The following DAB1 variants were observed in gnomAD, a reference collection of about 807,000 sequenced individuals.
The protein encoded by DAB1 is disabled homolog 1.
A neutral mutation model predicts 64.6 loss-of-function variants in DAB1; 15 were observed. The ratio of observed to expected loss-of-function variants is 0.23; its 90% CI spans 0.16 to 0.36. The LOEUF is 0.36. Among genes scored for constraint, DAB1 ranks in the 10% least tolerant of loss-of-function variants. The pLI, the probability that DAB1 is intolerant of heterozygous loss-of-function variation, is 1.00. For synonymous variants in DAB1, 235 were observed against 251.9 expected (o/e 0.93, Z 0.64); for missense variants, 596 against 706.7 (o/e 0.84, Z 1.78).
chr1:58,283,838 C>T (rs570508342), intron 4 of DAB1, among the ~76,000 whole-genome samples: 3 of 152,140 alleles, frequency 2.0e-5, no homozygotes, highest in Admixed American at 6.5e-5. Context: ...ACTTTGTCCT[C>T]GAAGGCAAAG....
intron 2 of DAB1, among the ~76,000 whole-genome samples, chr1:57,246,534 C>A (rs111800542): frequency 2.0e-5 from 3 of 152,304 alleles, no homozygotes; most frequent in African/African-American, 7.2e-5. Context: ...TCATGAAGAA[C>A]CTAGTGCAGA....
At chr1:58,018,620 C>G (rs1646776006) in intron 5 of DAB1, among the ~76,000 whole-genome samples, 1 of 152,180 alleles carries the variant, frequency 6.6e-6, no homozygotes, top group Admixed American at 6.5e-5. Context: ...TGGGGACAAG[C>G]TAAACTGAAA....
chr1:57,359,802 C>T (rs929089044), intron 1 of DAB1, among the ~76,000 whole-genome samples: 7 of 151,964 alleles, frequency 4.6e-5, no homozygotes. Flanking sequence ...GATTGACCTG[C>T]AGGACATCAT....
intron 4 of DAB1, among the ~76,000 whole-genome samples, chr1:57,104,371 T>C (rs1404138302): frequency 6.6e-6 from 1 of 152,088 alleles, no homozygotes; most frequent in Non-Finnish European, 1.5e-5. Context: ...TCACCACAGA[T>C]AGTTTAAAAA....
At chr1:57,468,446 A>T (rs1687028299) in intron 7 of DAB1, among the ~76,000 whole-genome samples, 1 of 152,198 alleles carries the variant, frequency 6.6e-6, no homozygotes, top group Admixed American at 6.5e-5. Flanking sequence ...TTCAACAGAT[A>T]TGGATTAAGC....
At chr1:57,901,190 C>T (rs1644468294) in intron 5 of DAB1, among the ~76,000 whole-genome samples, 1 of 152,126 alleles carries the variant, frequency 6.6e-6, no homozygotes, top group African/African-American at 2.4e-5. Flanking sequence ...AATGACCTTC[C>T]TTCTTGCTTT....
At chr1:57,709,197 C>A (rs1570757467) in intron 6 of DAB1, among the ~76,000 whole-genome samples, 1 of 152,042 alleles carries the variant, frequency 6.6e-6, no homozygotes, top group East Asian at 1.9e-4. Context: ...TTCCTTATTT[C>A]TCTTTGTGAA....
chr1:58,100,506 C>T (rs1036849400), intron 5 of DAB1, among the ~76,000 whole-genome samples: 3 of 152,132 alleles, frequency 2.0e-5, no homozygotes, highest in African/African-American at 4.8e-5. Flanking sequence ...GACTATTGTG[C>T]ATAATGCTTC....
intron 5 of DAB1, among the ~76,000 whole-genome samples, chr1:57,933,408 AG>A (rs768314762): frequency 1.4e-4 from 21 of 149,616 alleles, no homozygotes; most frequent in Non-Finnish European, 2.5e-4. Context: ...ACATGCCAGT[AG>A]AAAACCAGAA....
chr1:57,124,696 T>G (rs1000021187), intron 4 of DAB1, among the ~76,000 whole-genome samples: 5 of 152,170 alleles, frequency 3.3e-5, no homozygotes, highest in African/African-American at 1.2e-4. Context: ...TCAAATCTAG[T>G]CTGGCAGGTA....
chr1:57,482,667 C>G (rs1039349756), intron 7 of DAB1, among the ~76,000 whole-genome samples: 1 of 152,060 alleles, frequency 6.6e-6, no homozygotes, highest in African/African-American at 2.4e-5. Context: ...ATTGTATTCC[C>G]TCCTATAAAT....
intron 1 of DAB1, among the ~76,000 whole-genome samples, chr1:57,860,181 GA>G (rs924858666): frequency 4.5e-4 from 69 of 152,004 alleles, no homozygotes; most frequent in Non-Finnish European, 3.2e-4. Context: ...GTAACACATA[GA>G]AAAAAAATTG....
chr1:57,857,060 T>G (rs1396036450), intron 1 of DAB1, among the ~76,000 whole-genome samples: 1 of 152,220 alleles, frequency 6.6e-6, no homozygotes, highest in Non-Finnish European at 1.5e-5. Context: ...ATTGTATCAC[T>G]AGTGGTGTCT....
At chr1:58,025,683 ATATG>A (rs1200114521) in intron 5 of DAB1, among the ~76,000 whole-genome samples, 8 of 139,140 alleles carry the variant, frequency 5.7e-5, no homozygotes, top group African/African-American at 2.2e-4. Flanking sequence ...ATATATATAT[ATATG>A]GCCTTTAATC....
chr1:57,522,917 C>A (rs942854169), intron 7 of DAB1, among the ~76,000 whole-genome samples: 1 of 152,178 alleles, frequency 6.6e-6, no homozygotes, highest in African/African-American at 2.4e-5. Context: ...CCAAGTTCTT[C>A]GGCTTTTGAA....
At chr1:58,013,957 T>C (rs1330053738) in intron 5 of DAB1, among the ~76,000 whole-genome samples, 1 of 151,580 alleles carries the variant, frequency 6.6e-6, no homozygotes, top group Non-Finnish European at 1.5e-5. Context: ...CCACTGGTAA[T>C]AACACTTTTA....
chr1:58,538,651 G>T, intron 1 of DAB1: 1 of 491,558 alleles, frequency 2.0e-6, no homozygotes, highest in Non-Finnish European at 3.6e-6. Context: ...GAGCTAAATG[G>T]GGGGAGACAG....
intron 7 of DAB1, among the ~76,000 whole-genome samples, chr1:57,448,549 A>C (rs550453029): frequency 5.8e-4 from 89 of 152,304 alleles, no homozygotes; most frequent in Non-Finnish European, 1.2e-4. Context: ...TAATCACAAG[A>C]TTTGTCACCT....
At chr1:57,422,090 G>A (rs1001062353) in intron 1 of DAB1, among the ~76,000 whole-genome samples, 6 of 152,128 alleles carry the variant, frequency 3.9e-5, no homozygotes, top group African/African-American at 1.4e-4. Flanking sequence ...ACCTATAATT[G>A]GCACATAAAT....
Sources: gnomAD v4.1 joint callset for allele counts (sites outside exome capture counted in the v4.1 genomes callset) on GRCh38, gnomAD v4.1.1 for gene constraint, MANE v1.5 for transcripts, NCBI Gene and HGNC (gene_info 2026-07-23, HGNC 2026-07-21) for gene names.